The following NOL4L variants were observed in gnomAD, a reference collection of about 807,000 sequenced individuals.
NOL4L encodes the protein nucleolar protein 4 like.
A neutral mutation model predicts 64.5 loss-of-function variants in NOL4L; 7 were observed. That is an observed-to-expected ratio of 0.11 (90% confidence interval 0.06 to 0.20). The LOEUF is 0.20. NOL4L is among the 10% of genes least tolerant of loss of function. The probability of loss-of-function intolerance (pLI) is 1.00; values close to 1 mark genes in which losing one functional copy is unlikely to be tolerated. For synonymous variants in NOL4L, 413 were observed against 401.0 expected (o/e 1.03, Z -0.36); for missense variants, 680 against 967.1 (o/e 0.70, Z 3.94).
chr20:32,478,273 A>ACACACT (rs1373957221), intron 4 of NOL4L, among the ~76,000 whole-genome samples: 39 of 143,330 alleles, frequency 2.7e-4, no homozygotes, highest in African/African-American at 1.0e-3. Flanking sequence ...ACACACACAC[A>ACACACT]CTCTCTCTCT....
intron 4 of NOL4L, among the ~76,000 whole-genome samples, chr20:32,486,215 T>C (rs1372195604): frequency 3.9e-5 from 6 of 152,144 alleles, no homozygotes; most frequent in African/African-American, 1.4e-4. Context: ...CTTGTATAGG[T>C]TGTTTTCAGT....
intron 4 of NOL4L, among the ~76,000 whole-genome samples, chr20:32,476,864 G>T (rs1304521640): frequency 6.6e-6 from 1 of 152,252 alleles, no homozygotes; most frequent in East Asian, 1.9e-4. Context: ...CAGAAATGCT[G>T]GAGCAGAGGC....
chr20:32,449,036 C>T (rs553474804), intron 10 of NOL4L, among the ~76,000 whole-genome samples: 5 of 152,212 alleles, frequency 3.3e-5, no homozygotes, highest in Non-Finnish European at 5.9e-5. Context: ...GGAAGGGCTT[C>T]CAAAGAGGTT....
Position 32,447,540 on chromosome 20 carries a change from G to T in NOL4L, c.*56C>A, listed in dbSNP as rs1259588208. The T allele has an allele frequency of 6.5e-7, 1 of 1,526,866 alleles. No homozygotes were observed. Among genetic ancestry groups the T allele is most frequent in the East Asian group, 2.3e-5 (1 of 43,866 alleles). 94.6% of individuals were successfully genotyped at this position (1,526,866 alleles called of 1,614,324 possible). ...ACCAACTGGTGAGGCAGGAAGCCAG[G>T]TCCAGGCTGGGACAGCCTCCTTCCC... On this transcript the variant is annotated 3_prime_UTR_variant, in exon 11 of 11. Transcript: ENST00000621426.
chr20:32,545,017 A>G (rs1241788444), intron 1 of NOL4L, among the ~76,000 whole-genome samples: 1 of 152,184 alleles, frequency 6.6e-6, no homozygotes, highest in Non-Finnish European at 1.5e-5. Flanking sequence ...GACCCACACC[A>G]CAGGTCCTAA....
rs530480650 is a variant in NOL4L, at chr20:32,453,136, G to A, written c.1498-130C>T. 2.8e-6 allele frequency: 4 copies of A among 1,443,658 alleles called. No homozygotes were observed. The highest frequency in any genetic ancestry group is 4.6e-5 in the East Asian group (2 of 43,582). The allele number at this position is 1,443,658 out of a possible 1,614,324, so 89.4% of individuals were successfully genotyped here. On this transcript the variant is annotated intron_variant, in intron 8 of 10. Coordinates refer to ENST00000621426, the MANE Select transcript of NOL4L (RefSeq NM_001256798.2). The surrounding 1 kb of genome is among the most constrained non-coding windows in gnomAD (Gnocchi z 5.6). Reference sequence around the variant, plus strand: ...CCAGCGCCTCAGTCTATGGAGCTGTGTGATCTTTCTGGGCCTTAGTTCCCT... The same window carrying A: ...CCAGCGCCTCAGTCTATGGAGCTGTATGATCTTTCTGGGCCTTAGTTCCCT...
chr20:32,469,646 C>T (rs915045415), intron 5 of NOL4L, among the ~76,000 whole-genome samples: 3 of 152,248 alleles, frequency 2.0e-5, no homozygotes, highest in Non-Finnish European at 4.4e-5. Flanking sequence ...GCTGGGCTTA[C>T]AGGCGTGAGC....
intron 4 of NOL4L, chr20:32,509,672 C>T: frequency 4.8e-6 from 5 of 1,035,990 alleles, no homozygotes; most frequent in Non-Finnish European, 6.3e-6. Context: ...GTCTTAACTC[C>T]CCTCCTTCCA....
intron 1 of NOL4L, among the ~76,000 whole-genome samples, chr20:32,559,112 C>G (rs1243931965): frequency 6.6e-6 from 1 of 152,214 alleles, no homozygotes; most frequent in Non-Finnish European, 1.5e-5. Context: ...TCCAGGAAGC[C>G]TTCCCTGGCC....
Position 32,474,645 on chromosome 20 carries a change from T to A in NOL4L, c.797A>T (p.Asp266Val), listed in dbSNP as rs765414914. The A allele has an allele frequency of 6.2e-6, 10 of 1,613,648 alleles. No homozygotes were observed. The highest frequency in any genetic ancestry group is 3.3e-5 in the Admixed American group (2 of 59,994). ...HLASSLSPSQ[D>V]ERMRSPQNLH... ...GTTCTGCGGGCTCCGCATCCTCTCG[T>A]CCTGGCTGGGGCTCAGGCTGGAGGC... The change falls in exon 5 of 11, where the codon GAC (aspartate) becomes GTC (valine). Residue 266 changes from aspartate (D) to valine (V), a missense_variant. Asp to Val is a radical substitution (Grantham distance 152). Transcript: ENST00000621426.
chr20:32,453,164 T>C lies in NOL4L; in HGVS notation c.1497+140A>G. The C allele has an allele frequency of 7.1e-7, 1 of 1,413,454 alleles. No individual in the cohort carries two copies. Among genetic ancestry groups the C allele is most frequent in the South Asian group, 1.3e-5 (1 of 74,954 alleles). The allele number at this position is 1,413,454 out of a possible 1,614,324, so 87.6% of individuals were successfully genotyped here. ...ATCTTTCTGGGCCTTAGTTCCCTCATTTGCAAACCAGGGATTATGGTACTT... is the reference window on the plus strand; with the variant it reads ...ATCTTTCTGGGCCTTAGTTCCCTCACTTGCAAACCAGGGATTATGGTACTT... On this transcript the variant is annotated intron_variant, in intron 8 of 10. Transcript: ENST00000621426. The surrounding 1 kb of genome is among the most constrained non-coding windows in gnomAD (Gnocchi z 5.6).
At chr20:32,496,915 G>A (rs920216323) in intron 4 of NOL4L, among the ~76,000 whole-genome samples, 3 of 152,050 alleles carry the variant, frequency 2.0e-5, no homozygotes, top group Non-Finnish European at 2.9e-5. Context: ...GGTCGGCCGT[G>A]AGCAGCAGCT....
At chr20:32,507,045 C>T (rs1401176065) in intron 4 of NOL4L, among the ~76,000 whole-genome samples, 1 of 152,080 alleles carries the variant, frequency 6.6e-6, no homozygotes, top group Non-Finnish European at 1.5e-5. Flanking sequence ...AGAGGTGAGC[C>T]CTGAGCCTCT....
chr20:32,514,868 C>T (rs533446279), intron 3 of NOL4L, among the ~76,000 whole-genome samples: 1 of 152,128 alleles, frequency 6.6e-6, no homozygotes, highest in Admixed American at 6.5e-5. Flanking sequence ...TGGTGAGAAG[C>T]TGTTAAGCAC....
chr20:32,447,595 G>A lies in NOL4L; in HGVS notation c.*1C>T, dbSNP rs980864582. On this transcript the variant is annotated 3_prime_UTR_variant, in exon 11 of 11. Transcript: ENST00000621426. ...GCAGTGCGCTCCAGGTGCCGGTGGG[G>A]TCAGTTCTGCTGTAGGATGAGGTTT... The A allele has an allele frequency of 3.8e-6, 6 of 1,593,650 alleles. No homozygotes were observed. Among genetic ancestry groups the A allele is most frequent in the East Asian group, 2.2e-5 (1 of 44,740 alleles).
At chr20:32,553,031 T>A (rs771784850) in intron 1 of NOL4L, among the ~76,000 whole-genome samples, 1 of 152,158 alleles carries the variant, frequency 6.6e-6, no homozygotes, top group Non-Finnish European at 1.5e-5. Context: ...TGAGGAATCC[T>A]ACTTTACAGT....
chr20:32,552,774 G>A (rs529216638), intron 1 of NOL4L, among the ~76,000 whole-genome samples: 9 of 152,258 alleles, frequency 5.9e-5, no homozygotes, highest in South Asian at 4.1e-4. Flanking sequence ...AGGCCAAGAC[G>A]GGCAGATTGC....
At chr20:32,541,024 C>T (rs2018646338) in intron 1 of NOL4L, among the ~76,000 whole-genome samples, 2 of 151,218 alleles carry the variant, frequency 1.3e-5, no homozygotes, top group African/African-American at 4.9e-5. Flanking sequence ...CACACACACA[C>T]ACACACACAC....
At position 32,453,728 on chromosome 20, in the gene NOL4L, T is replaced by C; in HGVS notation, c.1153A>G (p.Ile385Val). 3 of 1,555,704 alleles carry C rather than the reference T, an allele frequency of 1.9e-6. No individual in the cohort carries two copies. Among genetic ancestry groups the C allele is most frequent in the Non-Finnish European group, 2.6e-6 (3 of 1,149,140 alleles). Residue 385 changes from isoleucine to valine, a missense_variant, in exon 7 of 11, where the codon ATC becomes GTC. Physicochemically the swap from Ile to Val is conservative, Grantham distance 29 (BLOSUM62 3). This residue lies in a region of NOL4L where 254 missense variants were observed against 238.7 expected (regional missense o/e 1.06). Transcript: ENST00000621426. The surrounding 1 kb of genome is among the most constrained non-coding windows in gnomAD (Gnocchi z 5.6). ...GGGCAGCCGCTGACCTCGGTCTTGA[T>C]GGAATCGTAGCTCCCAGAGCTGTAG... ...PPYSSGSYDSIKTEVSGCPED... is the reference protein window; with the variant it reads ...PPYSSGSYDSVKTEVSGCPED...
Sources: allele counts gnomAD v4.1 joint callset (sites outside exome capture counted in the v4.1 genomes callset), GRCh38; gene constraint gnomAD v4.1.1; regional missense constraint gnomAD v4.1.1; non-coding constraint Gnocchi (gnomAD v3.1); transcripts MANE v1.5; gene names NCBI Gene and HGNC (gene_info 2026-07-23, HGNC 2026-07-21).